The following GLP2R variants were observed in gnomAD, a reference collection of about 807,000 sequenced individuals.
The protein encoded by GLP2R is glucagon-like peptide 2 receptor.
A neutral mutation model predicts 68.2 loss-of-function variants in GLP2R; 59 were observed. That is an observed-to-expected ratio of 0.87 (90% confidence interval 0.70 to 1.07). GLP2R has a LOEUF of 1.07. GLP2R is among the 50% of genes least tolerant of loss of function. GLP2R has a pLI of 0.00. For missense variants in GLP2R, 548 were observed against 677.4 expected, an observed-to-expected ratio of 0.81 and a Z score of 2.12; for synonymous variants, 270 against 265.4, an observed-to-expected ratio of 1.02 and a Z score of -0.17.
In GLP2R at chr17:9,854,590, C is replaced by T. The variant is rs2066919326; in HGVS notation, c.600C>T (p.Leu200=). The T allele has an allele frequency of 1.1e-5, 18 of 1,591,540 alleles. No homozygotes were observed. Among genetic ancestry groups the T allele is most frequent in the Non-Finnish European group, 1.4e-5 (16 of 1,159,396 alleles). ...CCCTCTTCCTGGCTCTCACCCTCCT[C>T]TTGTTTCTTCGGTGAGTAGAACTTC... is the stretch of plus-strand genomic sequence containing the variant. ...LISLFLALTL[L]LFLRKLHCTR... Residue 200 remains leucine (L), a synonymous_variant, in exon 5 of 13, where the codon CTC becomes CTT. Transcript: ENST00000262441.
rs769366502 is a variant in GLP2R at position 9,890,243 on chromosome 17, C to T, written c.*538C>T. 2 of 359,810 alleles carry T rather than the reference C, an allele frequency of 5.6e-6. No individual in the cohort carries two copies. Among genetic ancestry groups the T allele is most frequent in the African/African-American group, 2.1e-5 (1 of 46,716 alleles). The allele number at this position is 359,810 out of a possible 1,614,324, so 22.3% of individuals were successfully genotyped here. On this transcript the variant is annotated 3_prime_UTR_variant, in exon 13 of 13. Coordinates refer to ENST00000262441, the MANE Select transcript of GLP2R (RefSeq NM_004246.3). ...CTGCTGCAAGCCCACCCTTGGAGAACACTGGGCAGGGTGAGAGGGAGCTAG... is the reference window on the plus strand; with the variant it reads ...CTGCTGCAAGCCCACCCTTGGAGAATACTGGGCAGGGTGAGAGGGAGCTAG...
At chr17:9,874,208 A>G (rs1473385411) in intron 10 of GLP2R, among the ~76,000 whole-genome samples, 6 of 152,182 alleles carry the variant, frequency 3.9e-5, no homozygotes, top group Non-Finnish European at 7.4e-5. Context: ...TTGGTCTAGG[A>G]AAGGGTAAAT....
chr17:9,889,726 G>A lies in GLP2R; in HGVS notation c.*21G>A. On this transcript the variant is annotated 3_prime_UTR_variant, in exon 13 of 13. Transcript: ENST00000262441. ...TCTAGGGTGGAGTTCCACCACCCTG[G>A]CTCTGCTCCCAGGGACTCTTGAGGG... 2 of 1,465,598 alleles carry A rather than the reference G, an allele frequency of 1.4e-6. No individual in the cohort carries two copies. The highest frequency in any genetic ancestry group is 9.2e-7 in the Non-Finnish European group (1 of 1,085,984). 90.8% of individuals were successfully genotyped at this position (1,465,598 alleles called of 1,614,324 possible).
At chr17:9,861,412 C>A (rs2066986296) in intron 8 of GLP2R, among the ~76,000 whole-genome samples, 1 of 152,048 alleles carries the variant, frequency 6.6e-6, no homozygotes. Flanking sequence ...CTCAAAGATG[C>A]TGTATAGGTT....
intron 4 of GLP2R, chr17:9,853,054 T>A (rs539770602): frequency 2.5e-5 from 13 of 512,458 alleles, no homozygotes; most frequent in Non-Finnish European, 4.0e-5. Flanking sequence ...ATGGAAACCA[T>A]TGGCTGTACA....
intron 4 of GLP2R, among the ~76,000 whole-genome samples, chr17:9,844,580 C>A (rs1254406373): frequency 6.7e-6 from 1 of 149,958 alleles, no homozygotes; most frequent in Non-Finnish European, 1.5e-5. Context: ...TGGCTTGGAC[C>A]CTTGAGGAGA....
intron 6 of GLP2R, 48 bp from the exon 7 acceptor site, chr17:9,859,894 A>T (rs1473204753): frequency 7.3e-7 from 1 of 1,374,038 alleles, no homozygotes; most frequent in Non-Finnish European, 9.6e-7. Context: ...ACTCGGGATC[A>T]GATGCAGGGG....
Position 9,836,204 on chromosome 17 carries a change from T to TC in GLP2R, c.278-163dup, listed in dbSNP as rs1209690468. Among the ~76,000 whole-genome samples the TC allele has an allele frequency of 1.1e-4, 17 of 152,342 alleles. No homozygotes were observed. The East Asian group carries it at 3.1e-3, about 28-fold the overall frequency. On this transcript the variant is annotated intron_variant, in intron 2 of 12. Coordinates refer to ENST00000262441, the MANE Select transcript of GLP2R (RefSeq NM_004246.3). ...AGCATTCCTGTGGTCCCCAAATCATTCCCCATCCTTGACTCATCTAGAGAG... is the reference window on the plus strand; with the variant it reads ...AGCATTCCTGTGGTCCCCAAATCATTCCCCCATCCTTGACTCATCTAGAGAG...
chr17:9,854,647 C>A (rs1196327410), intron 5 of GLP2R, 46 bp downstream of exon 5: 1 of 1,032,760 alleles, frequency 9.7e-7, no homozygotes, highest in African/African-American at 1.6e-5. Context: ...GTATAGTAGC[C>A]CTCCTTCATC....
intron 10 of GLP2R, among the ~76,000 whole-genome samples, chr17:9,872,383 C>T (rs2067103199): frequency 1.3e-5 from 2 of 152,182 alleles, no homozygotes; most frequent in Non-Finnish European, 2.9e-5. Flanking sequence ...TCAAGACTAG[C>T]CTGGCCAACA....
chr17:9,831,666 G>T (rs2066680723), intron 1 of GLP2R, among the ~76,000 whole-genome samples: 1 of 152,190 alleles, frequency 6.6e-6, no homozygotes, highest in African/African-American at 2.4e-5. Flanking sequence ...AAGGATGGCT[G>T]AGATGCTAAA....
chr17:9,877,896 C>T (rs1006890753), intron 10 of GLP2R, among the ~76,000 whole-genome samples: 1 of 135,116 alleles, frequency 7.4e-6, no homozygotes, highest in Non-Finnish European at 1.6e-5. Flanking sequence ...AAAAAAAAAA[C>T]GTTAGGGAAA....
intron 3 of GLP2R, among the ~76,000 whole-genome samples, chr17:9,836,858 T>A (rs1212287973): frequency 1.3e-5 from 2 of 151,620 alleles, no homozygotes; most frequent in East Asian, 1.9e-4. Flanking sequence ...CTATTATATA[T>A]CTATTTTTTG....
chr17:9,881,316 G>A (rs1266605600), intron 11 of GLP2R, among the ~76,000 whole-genome samples: 1 of 150,754 alleles, frequency 6.6e-6, no homozygotes, highest in Non-Finnish European at 1.5e-5. Context: ...TCTCCTTGTG[G>A]TCTCTCCACA....
chr17:9,860,941 G>A (rs566748614), intron 7 of GLP2R, among the ~76,000 whole-genome samples, 198 bp from the exon 8 acceptor site: 3 of 152,228 alleles, frequency 2.0e-5, no homozygotes, highest in South Asian at 2.1e-4. Flanking sequence ...TTCCCCCTCT[G>A]GGCCCTGGTT....
rs368894726 is a variant in GLP2R, at chr17:9,844,852, G to A, written c.504+2236G>A. ...ACTACAGGTGCGTGCCACCACGCCC[G>A]TCTAATTTTTATATCTTTAGTAGAG... On this transcript the variant is annotated intron_variant, in intron 4 of 12. Transcript: ENST00000262441. Among the ~76,000 whole-genome samples, 556 of 151,298 alleles carry A rather than the reference G, an allele frequency of 3.7e-3. 3 individuals carry two copies. Among genetic ancestry groups the A allele is most frequent in the African/African-American group, 0.012 (501 of 41,252 alleles).
intron 3 of GLP2R, among the ~76,000 whole-genome samples, chr17:9,838,369 G>C (rs1227639645): frequency 6.6e-6 from 1 of 152,202 alleles, no homozygotes; most frequent in Admixed American, 6.5e-5. Flanking sequence ...GCGTCGCACA[G>C]CTGCCGCTTG....
chr17:9,859,819 C>CAAAAAA (rs10567375), intron 6 of GLP2R, 123 bp from the exon 7 acceptor site: 20 of 143,876 alleles, frequency 1.4e-4, no homozygotes, highest in South Asian at 2.2e-4. Context: ...GATTCTGTCT[C>CAAAAAA]AAAAAAAAAA....
chr17:9,887,961 T>G lies in GLP2R; in HGVS notation c.1314T>G (p.Phe438Leu). Residue 438 changes from phenylalanine to leucine, a missense_variant, in exon 12 of 13, where the codon TTT (phenylalanine) becomes TTG (leucine). Physicochemically the swap from Phe to Leu is conservative, Grantham distance 22. Transcript: ENST00000262441. Reference sequence around the variant, plus strand: ...TCCTGGTGGCCTTGCAGTATGGTTTTGCCAATGGAGAGGTATGATTTCCAC... The same window carrying G: ...TCCTGGTGGCCTTGCAGTATGGTTTGGCCAATGGAGAGGTATGATTTCCAC... ...HGFLVALQYG[F>L]ANGEVKAELR... The G allele has an allele frequency of 3.1e-6, 5 of 1,612,080 alleles. No homozygotes were observed. The highest frequency in any genetic ancestry group is 4.2e-6 in the Non-Finnish European group (5 of 1,178,122).
Sources: gnomAD v4.1 joint callset for allele counts (sites outside exome capture counted in the v4.1 genomes callset) on GRCh38, gnomAD v4.1.1 for gene constraint, MANE v1.5 for transcripts, NCBI Gene and HGNC (gene_info 2026-07-23, HGNC 2026-07-21) for gene names.